Variants in NRXN3 observed in about 807,000 individuals in gnomAD.
The protein encoded by NRXN3 is neurexin III.
In NRXN3, 32 loss-of-function variants were observed where a neutral mutation model predicts 137.6. The ratio of observed to expected loss-of-function variants is 0.23; its 90% CI spans 0.18 to 0.31. The LOEUF (loss-of-function observed/expected upper bound fraction) is 0.31. NRXN3 is among the 10% of genes least tolerant of loss of function. The probability of loss-of-function intolerance (pLI) is 1.00; values close to 1 mark genes in which losing one functional copy is unlikely to be tolerated. For missense variants in NRXN3, 1,574 were observed against 2,062.5 expected, an observed-to-expected ratio of 0.76 and a Z score of 4.59; for synonymous variants, 798 against 784.5, an observed-to-expected ratio of 1.02 and a Z score of -0.29.
At chr14:79,497,480 C>T (rs1437923745) in intron 16 of NRXN3, among the ~76,000 whole-genome samples, 1 of 152,084 alleles carries the variant, frequency 6.6e-6, no homozygotes, top group Non-Finnish European at 1.5e-5. Flanking sequence ...TTTTATCTGC[C>T]TTTCTTCCTT....
chr14:78,471,575 G>T (rs1284048220), intron 4 of NRXN3, among the ~76,000 whole-genome samples: 1 of 152,168 alleles, frequency 6.6e-6, no homozygotes, highest in Non-Finnish European at 1.5e-5. Context: ...GGTTGGTACT[G>T]ACCCTCCTGG....
intron 4 of NRXN3, among the ~76,000 whole-genome samples, chr14:78,624,828 TG>T (rs2097440403): frequency 2.0e-5 from 3 of 150,102 alleles, no homozygotes; most frequent in Non-Finnish European, 3.0e-5. Context: ...TGTGTGTGTG[TG>T]TGTTTGTTTG....
chr14:78,273,714 A>C (rs538525927), intron 2 of NRXN3, among the ~76,000 whole-genome samples: 89 of 152,244 alleles, frequency 5.8e-4, no homozygotes, highest in African/African-American at 2.1e-3. Flanking sequence ...AATAGACAAA[A>C]AGTGGGGGCA....
intron 14 of NRXN3, among the ~76,000 whole-genome samples, chr14:78,987,767 A>T (rs1233640812): frequency 6.6e-6 from 1 of 152,068 alleles, no homozygotes; most frequent in Non-Finnish European, 1.5e-5. Context: ...AGTCAACCCG[A>T]AGGAGAACAG....
rs147367600 is a variant in NRXN3, at chr14:79,323,139, C to A, written c.3263-144082C>A. Among the ~76,000 whole-genome samples the A allele has an allele frequency of 7.8e-3, 1,185 of 152,272 alleles. 25 individuals carry two copies. The South Asian group carries it at 0.078, about 10-fold the overall frequency. ...GCCTTGAACTCCTGGGCTCAGGTGA[C>A]CCTCCTGCCTCAGCCTCCCAAGTAG... On this transcript the variant is annotated intron_variant, in intron 15 of 20. Transcript: ENST00000335750.
At chr14:78,794,634 G>GTA (rs559243848) in intron 8 of NRXN3, among the ~76,000 whole-genome samples, 9 of 149,608 alleles carry the variant, frequency 6.0e-5, no homozygotes, top group South Asian at 2.1e-4. Context: ...GTGTGTGTGT[G>GTA]TATATAATAT....
intron 8 of NRXN3, among the ~76,000 whole-genome samples, chr14:78,780,374 T>C (rs1219706244): frequency 6.6e-6 from 1 of 152,160 alleles, no homozygotes; most frequent in Non-Finnish European, 1.5e-5. Context: ...TAATGGTGAT[T>C]AGCTTTACGA....
rs542538723 is a variant in NRXN3 at position 79,864,517 on chromosome 14, G to C, written c.*2553G>C. 8.0e-4 allele frequency: 122 copies of C among 152,662 alleles called. No individual in the cohort carries two copies. The highest frequency in any genetic ancestry group is 2.9e-3 in the African/African-American group (119 of 41,562). The allele number at this position is 152,662 out of a possible 1,614,324, so 9.5% of individuals were successfully genotyped here. ...CTTATTAAAAGCCGAGTAAGAGCTA[G>C]ACCACTTTCATGTGATAGAAGATAT... is the stretch of plus-strand genomic sequence containing the variant. On this transcript the variant is annotated 3_prime_UTR_variant, in exon 21 of 21. Coordinates refer to ENST00000335750, the MANE Select transcript of NRXN3 (RefSeq NM_001330195.2).
At chr14:79,802,850 A>AGT (rs3062530) in intron 19 of NRXN3, among the ~76,000 whole-genome samples, 15,678 of 151,976 alleles carry the variant, frequency 0.1, 1,115 homozygotes, top group African/African-American at 0.19. Context: ...ACAATTCAGT[A>AGT]GTGTGTGTTT....
intron 4 of NRXN3, among the ~76,000 whole-genome samples, chr14:78,469,735 T>C (rs549338455): frequency 6.6e-6 from 1 of 152,346 alleles, no homozygotes; most frequent in East Asian, 1.9e-4. Context: ...ATGATGCTAT[T>C]GAAACCCCTG....
intron 4 of NRXN3, among the ~76,000 whole-genome samples, chr14:78,313,578 G>A (rs1053097509): frequency 6.6e-6 from 1 of 151,894 alleles, no homozygotes; most frequent in Non-Finnish European, 1.5e-5. Context: ...AGAAAACAGA[G>A]GCCCAAGGTT....
chr14:78,862,562 T>C (rs1430087317), intron 10 of NRXN3, among the ~76,000 whole-genome samples: 1 of 152,154 alleles, frequency 6.6e-6, no homozygotes, highest in Non-Finnish European at 1.5e-5. Flanking sequence ...ATTAAATCTC[T>C]AATTCGTATT....
At chr14:79,072,682 A>G (rs2099689480) in intron 15 of NRXN3, among the ~76,000 whole-genome samples, 1 of 152,180 alleles carries the variant, frequency 6.6e-6, no homozygotes, top group Non-Finnish European at 1.5e-5. Flanking sequence ...ATGAGAACTA[A>G]GTAAAATCAT....
rs1172856575 is a variant in NRXN3, at chr14:79,861,192, C to T, written c.4094-150C>T. On this transcript the variant is annotated intron_variant, in intron 20 of 20. Transcript: ENST00000335750. This position sits in a 1 kb window ranked among gnomAD's most constrained non-coding sequence, Gnocchi z 5.4. ...GATTCCCTGTCCATGACCTCTGAGG[C>T]GGGGTTACCTTGCTTGTCGGACCAA... is the stretch of plus-strand genomic sequence containing the variant. 2.0e-6 allele frequency: 3 copies of T among 1,532,964 alleles called. No homozygotes were observed. Among genetic ancestry groups the T allele is most frequent in the South Asian group, 1.2e-5 (1 of 83,644 alleles). The allele number at this position is 1,532,964 out of a possible 1,614,324, so 95.0% of individuals were successfully genotyped here. A position where few individuals can be genotyped will look rare whatever the true frequency, so the allele number is the denominator to read the frequency against.
chr14:78,915,345 C>CAAAAAAAAAAAAAAAAAAAAAA (rs35908076), intron 10 of NRXN3, among the ~76,000 whole-genome samples: 1 of 11,196 alleles, frequency 8.9e-5, no homozygotes, highest in East Asian at 3.4e-3. Flanking sequence ...ACGTGTGAAG[C>CAAAAAAAAAAAAAAAAAAAAAA]AAAAAAAAAA....
chr14:78,910,063 T>A (rs1567676258), intron 10 of NRXN3, among the ~76,000 whole-genome samples: 1 of 152,186 alleles, frequency 6.6e-6, no homozygotes, highest in Non-Finnish European at 1.5e-5. Context: ...TTCTTACTGT[T>A]GTCCATTCCT....
chr14:78,576,714 A>AG (rs1335926621), intron 4 of NRXN3, among the ~76,000 whole-genome samples: 4 of 152,206 alleles, frequency 2.6e-5, no homozygotes, highest in Non-Finnish European at 2.9e-5. Flanking sequence ...CCCAGTGTCA[A>AG]GGGGCGGAAC....
intron 10 of NRXN3, among the ~76,000 whole-genome samples, chr14:78,831,948 T>C (rs1430590334): frequency 1.3e-5 from 2 of 152,018 alleles, no homozygotes; most frequent in Admixed American, 6.6e-5. Context: ...AGTGTCTTGG[T>C]GTACAAGAGT....
intron 10 of NRXN3, among the ~76,000 whole-genome samples, chr14:78,946,268 G>A (rs1404894660): frequency 1.3e-5 from 2 of 152,154 alleles, no homozygotes; most frequent in Non-Finnish European, 2.9e-5. Flanking sequence ...GCTATTTAGA[G>A]TTGAGAAAGA....
Sources: allele counts gnomAD v4.1 joint callset (sites outside exome capture counted in the v4.1 genomes callset), GRCh38; gene constraint gnomAD v4.1.1; non-coding constraint Gnocchi (gnomAD v3.1); transcripts MANE v1.5; gene names NCBI Gene and HGNC (gene_info 2026-07-23, HGNC 2026-07-21).